Variants in ADAM10 observed in about 807,000 individuals in gnomAD.
The protein encoded by ADAM10 is ADAM metallopeptidase domain 10.
In ADAM10, 17 loss-of-function variants were observed where a neutral mutation model predicts 90.1. The observed-to-expected ratio is 0.19, with a 90% CI of 0.13 to 0.28. The LOEUF (loss-of-function observed/expected upper bound fraction) is 0.28. Among genes scored for constraint, ADAM10 ranks in the 10% least tolerant of loss-of-function variants. The pLI, the probability that ADAM10 is intolerant of heterozygous loss-of-function variation, is 1.00. For synonymous variants in ADAM10, 310 were observed against 298.6 expected (o/e 1.04, Z -0.40); for missense variants, 610 against 914.3 (o/e 0.67, Z 4.29).
At chr15:58,624,194 G>A (rs540317795) in intron 10 of ADAM10, among the ~76,000 whole-genome samples, 298 of 152,044 alleles carry the variant, frequency 2.0e-3, no homozygotes, top group African/African-American at 6.7e-3. Context: ...GCTGAGGCAT[G>A]AGAATCGCTT....
chr15:58,691,524 T>G, intron 2 of ADAM10: 1 of 566,380 alleles, frequency 1.8e-6, no homozygotes, highest in East Asian at 3.8e-5. Flanking sequence ...CTGGAAGGTG[T>G]GAGACCACAG....
intron 11 of ADAM10, among the ~76,000 whole-genome samples, chr15:58,618,786 A>G (rs936483566): frequency 3.9e-5 from 6 of 152,212 alleles, no homozygotes; most frequent in Non-Finnish European, 7.4e-5. Flanking sequence ...TCAGGGAAAC[A>G]CAAATCAAAG....
chr15:58,603,636 C>T (rs1271695237), intron 14 of ADAM10, among the ~76,000 whole-genome samples: 1 of 151,926 alleles, frequency 6.6e-6, no homozygotes, highest in Non-Finnish European at 1.5e-5. Context: ...AAATATGGAA[C>T]TGACCATGTT....
intron 2 of ADAM10, among the ~76,000 whole-genome samples, chr15:58,700,963 C>A (rs1205822708): frequency 2.0e-5 from 3 of 148,426 alleles, no homozygotes; most frequent in African/African-American, 7.4e-5. Context: ...TATGATCATG[C>A]CACTGCACTC....
intron 4 of ADAM10, among the ~76,000 whole-genome samples, chr15:58,666,556 T>G (rs1448275506): frequency 2.0e-5 from 3 of 151,910 alleles, no homozygotes; most frequent in Non-Finnish European, 2.9e-5. Flanking sequence ...GCTGAAACTA[T>G]GCAAAATGAT....
At chr15:58,678,990 T>A in intron 4 of ADAM10, 134 bp downstream of exon 4, 1 of 838,744 alleles carries the variant, frequency 1.2e-6, no homozygotes, top group South Asian at 1.7e-5. Flanking sequence ...AAATAGCAAT[T>A]GCTAGTAAAA....
rs182919991 is a variant in ADAM10, at chr15:58,723,086, G to A, written c.56-5359C>T. On this transcript the variant is annotated intron_variant, in intron 1 of 15. Transcript: ENST00000260408. ...AAGACAGTGTGCTAAATACAACACT[G>A]GTCATAACCTAATAATATAATCTTT... 2.0e-5 allele frequency among the ~76,000 whole-genome samples: 3 copies of A among 151,848 alleles called. No individual in the cohort carries two copies. In the East Asian group the frequency reaches 5.8e-4, roughly 29 times the overall value.
intron 9 of ADAM10, among the ~76,000 whole-genome samples, chr15:58,628,233 C>G (rs556911130): frequency 6.6e-6 from 1 of 152,234 alleles, no homozygotes; most frequent in South Asian, 2.1e-4. Context: ...ACTAAATAGT[C>G]TCTAACACAT....
intron 1 of ADAM10, among the ~76,000 whole-genome samples, chr15:58,722,726 CTTTTTTTTTTTT>C (rs71116592): frequency 2.9e-5 from 3 of 104,002 alleles, no homozygotes; most frequent in Admixed American, 2.2e-4. Context: ...AATTTGAGAA[CTTTTTTTTTTTT>C]TTTTTTTTTT....
At chr15:58,714,292 T>TACACACGCAC (rs1898579182) in intron 2 of ADAM10, among the ~76,000 whole-genome samples, 1 of 142,914 alleles carries the variant, frequency 7.0e-6, no homozygotes, top group Non-Finnish European at 1.5e-5. Context: ...TACATACACA[T>TACACACGCAC]ACACACACAC....
chr15:58,675,053 G>A (rs180847780), intron 4 of ADAM10, among the ~76,000 whole-genome samples: 1 of 152,262 alleles, frequency 6.6e-6, no homozygotes, highest in East Asian at 1.9e-4. Context: ...AAAATTAGCT[G>A]GGCGTGATGG....
At chr15:58,643,340 T>G (rs1320469318) in intron 7 of ADAM10, among the ~76,000 whole-genome samples, 1 of 152,128 alleles carries the variant, frequency 6.6e-6, no homozygotes. Flanking sequence ...TGGTCAAAAA[T>G]TTAGAAAAAT....
chr15:58,702,369 A>G (rs1170446478), intron 2 of ADAM10, among the ~76,000 whole-genome samples: 1 of 152,194 alleles, frequency 6.6e-6, no homozygotes, highest in Non-Finnish European at 1.5e-5. Context: ...AGATCGAAGT[A>G]AAAAGTGCAA....
At chr15:58,689,965 A>AG (rs1193482037) in intron 2 of ADAM10, among the ~76,000 whole-genome samples, 8 of 150,014 alleles carry the variant, frequency 5.3e-5, no homozygotes, top group Non-Finnish European at 1.2e-4. Context: ...AAAAAAAAAA[A>AG]AAAGACTGAT....
At chr15:58,688,437 A>G (rs1897668858) in intron 2 of ADAM10, among the ~76,000 whole-genome samples, 1 of 118,880 alleles carries the variant, frequency 8.4e-6, no homozygotes, top group Non-Finnish European at 1.6e-5. Flanking sequence ...ATTAAAAACC[A>G]CAAACTATTA....
At chr15:58,618,963 A>G (rs1390151944) in intron 11 of ADAM10, among the ~76,000 whole-genome samples, 1 of 152,196 alleles carries the variant, frequency 6.6e-6, no homozygotes, top group Non-Finnish European at 1.5e-5. Context: ...GTTCCTCTAA[A>G]AACTAAAAAT....
chr15:58,602,193 T>C (rs1263870507), intron 14 of ADAM10, among the ~76,000 whole-genome samples: 1 of 152,236 alleles, frequency 6.6e-6, no homozygotes, highest in Non-Finnish European at 1.5e-5. Context: ...TTTTTGGACA[T>C]GTCCTCATCA....
chr15:58,596,701 G>A lies in ADAM10; in HGVS notation c.*846C>T, dbSNP rs1894962240. 1 of 152,206 alleles carries A rather than the reference G, an allele frequency of 6.6e-6. No individual in the cohort carries two copies. The highest frequency in any genetic ancestry group is 1.5e-5 in the Non-Finnish European group (1 of 68,008). The allele number at this position is 152,206 out of a possible 1,614,324, so 9.4% of individuals were successfully genotyped here. Reference sequence around the variant, plus strand: ...TTGAAAAATGGAATTGAATTAGAAAGTTTAAAAGACGTAAGCAGAAACCAG... The same window carrying A: ...TTGAAAAATGGAATTGAATTAGAAAATTTAAAAGACGTAAGCAGAAACCAG... On this transcript the variant is annotated 3_prime_UTR_variant, in exon 16 of 16. Transcript: ENST00000260408.
rs573683323 is a variant in ADAM10, at chr15:58,701,139, C to G, written c.206+16438G>C. 1.1e-4 allele frequency among the ~76,000 whole-genome samples: 16 copies of G among 146,776 alleles called. No individual in the cohort carries two copies. In the South Asian group the frequency reaches 3.0e-3, roughly 28 times the overall value. On this transcript the variant is annotated intron_variant, in intron 2 of 15. Transcript: ENST00000260408. ...ATAAAATCAATGACCACTTGCTAAT[C>G]AAGAAAAAAAAACAGAAATAGCCTG...
Sources: gnomAD v4.1 joint callset for allele counts (sites outside exome capture counted in the v4.1 genomes callset) on GRCh38, gnomAD v4.1.1 for gene constraint, MANE v1.5 for transcripts, NCBI Gene and HGNC (gene_info 2026-07-23, HGNC 2026-07-21) for gene names.